WFS1: variants seen among roughly 807,000 people sequenced by gnomAD.
WFS1 encodes the protein wolframin ER transmembrane glycoprotein.
In WFS1, 90 loss-of-function variants were observed where a neutral mutation model predicts 68.5. The ratio of observed to expected loss-of-function variants is 1.31; its 90% CI spans 1.11 to 1.56. The LOEUF (loss-of-function observed/expected upper bound fraction) is 1.56. WFS1 is among the 40% of genes most tolerant of loss of function. WFS1 has a pLI of 0.00. For synonymous variants in WFS1, 860 were observed against 540.7 expected (o/e 1.59, Z -8.19); for missense variants, 1,767 against 1,232.6 (o/e 1.43, Z -6.49).
Position 6,291,311 on chromosome 4 carries a change from A to G in WFS1, c.575A>G (p.Lys192Arg), listed in dbSNP as rs1466844272. The G allele has an allele frequency of 6.2e-7, 1 of 1,613,498 alleles. No homozygotes were observed. The change falls in exon 5 of 8, where the codon AAG becomes AGG. Residue 192 changes from lysine (K) to arginine (R), a missense_variant. Physicochemically the swap from Lys to Arg is conservative, Grantham distance 26 (BLOSUM62 2). Coordinates refer to ENST00000226760, the MANE Select transcript of WFS1 (RefSeq NM_006005.3). Reference protein sequence around the residue: ...VMYWKLNPKKKKQVAVAELLE... With the variant: ...VMYWKLNPKKRKQVAVAELLE... ...TACTGGAAGCTCAACCCCAAGAAGA[A>G]GAAGCAGGTGGCCGTGGCGGAGCTG...
At chr4:6,281,394 C>A (rs12511160) in intron 2 of WFS1, among the ~76,000 whole-genome samples, 10,958 of 152,136 alleles carry the variant, frequency 0.072, 460 homozygotes, top group African/African-American at 0.098. Context: ...CCCTGAGGGT[C>A]AGGGAAAGGA....
At position 6,283,122 on chromosome 4, in the gene WFS1, G is replaced by C. The variant is rs1033458889; in HGVS notation, c.233-3971G>C. 1.3e-5 allele frequency among the ~76,000 whole-genome samples: 2 copies of C among 152,208 alleles called. No individual in the cohort carries two copies. Among genetic ancestry groups the C allele is most frequent in the African/African-American group, 2.4e-5 (1 of 41,450 alleles). Reference sequence around the variant, plus strand: ...GGGGCGCATCCTGGAGGATGCCCTAGGTAGTGCCTGAGAAAGTGAGGGTCA... The same window carrying C: ...GGGGCGCATCCTGGAGGATGCCCTACGTAGTGCCTGAGAAAGTGAGGGTCA... On this transcript the variant is annotated intron_variant, in intron 2 of 7. Transcript: ENST00000226760. This position sits in a 1 kb window ranked among gnomAD's most constrained non-coding sequence, Gnocchi z 5.0.
intron 6 of WFS1, 66 bp downstream of exon 6, chr4:6,292,063 T>C: frequency 6.7e-7 from 1 of 1,486,900 alleles, no homozygotes; most frequent in South Asian, 1.2e-5. Context: ...CGACCTCTCC[T>C]TCCTGTGCGA....
rs1378302333 is a variant in WFS1, at chr4:6,271,336, T to C, written c.-6+1322T>C. On this transcript the variant is annotated intron_variant, in intron 1 of 7. Coordinates refer to ENST00000226760, the MANE Select transcript of WFS1 (RefSeq NM_006005.3). ...GGCTGGGAGACCCCATCTCACCTTC[T>C]TTCCCAGGATGGAAGAGCATGGAGG... 3.9e-5 allele frequency among the ~76,000 whole-genome samples: 6 copies of C among 152,176 alleles called. No individual in the cohort carries two copies. The East Asian group carries it at 1.2e-3, about 29-fold the overall frequency.
Position 6,289,014 on chromosome 4 carries a change from G to A in WFS1, c.343G>A (p.Gly115Ser), listed in dbSNP as rs780727054. ...GGGGAAGCACTACCTGCAGTTGGCC[G>A]GCGACACGGATGAAGAACTCAACAG... ...EVGKHYLQLAGDTDEELNSCT... is the reference protein window; with the variant it reads ...EVGKHYLQLASDTDEELNSCT... Residue 115 changes from glycine to serine, a missense_variant, in exon 4 of 8, where the codon GGC becomes AGC. By Grantham distance (56) the Gly-to-Ser change is moderately conservative. Coordinates refer to ENST00000226760, the MANE Select transcript of WFS1 (RefSeq NM_006005.3). The A allele has an allele frequency of 4.7e-5, 75 of 1,608,484 alleles. No homozygotes were observed. Among genetic ancestry groups the A allele is most frequent in the East Asian group, 2.2e-4 (10 of 44,736 alleles).
intron 1 of WFS1, among the ~76,000 whole-genome samples, chr4:6,271,669 T>C (rs887656301): frequency 6.6e-6 from 1 of 152,120 alleles, no homozygotes; most frequent in Admixed American, 6.5e-5. Context: ...GTTGGGTCTC[T>C]CCTGGCTCCT....
Position 6,300,631 on chromosome 4 carries a change from GTTCCCACGTACCATCT to G in WFS1, c.862-20_862-5del, listed in dbSNP as rs1375344098. The G allele has an allele frequency of 6.2e-7, 1 of 1,613,492 alleles. No homozygotes were observed. The highest frequency in any genetic ancestry group is 1.3e-5 in the African/African-American group (1 of 74,860). On this transcript the variant is annotated splice_polypyrimidine_tract_variant and intron_variant, in intron 7 of 7. Transcript: ENST00000226760. ...GCAGTGGGGGTCCTGTCCCAGCCTC[GTTCCCACGTACCATCT>G]TTCCCCCAGGTGGTCAAGTACCCCC...
At chr4:6,288,797 T>G in intron 3 of WFS1, 190 bp from the exon 4 acceptor site, 5 of 796,366 alleles carry the variant, frequency 6.3e-6, no homozygotes, top group Non-Finnish European at 6.2e-6. Context: ...CTCACCGTGT[T>G]TTGAGGAGCG....
rs769627310 is a variant in WFS1, at chr4:6,295,162, C to A, written c.834C>A (p.Ser278Arg). ...ATGATGACGAGCTGGCGGGGAAGAG[C>A]CCTGAGGACCTGCCACTGCGTCTGA... The part of the protein sequence containing the change: ...DEDDDELAGK[S>R]PEDLPLRLKV... Residue 278 changes from serine to arginine, a missense_variant, in exon 7 of 8, where the codon AGC becomes AGA. Physicochemically the swap from Ser to Arg is moderately radical, Grantham distance 110. Coordinates refer to ENST00000226760, the MANE Select transcript of WFS1 (RefSeq NM_006005.3). 21 of 1,612,064 alleles carry A rather than the reference C, an allele frequency of 1.3e-5. No homozygotes were observed. The highest frequency in any genetic ancestry group is 1.7e-5 in the Non-Finnish European group (20 of 1,180,034).
At chr4:6,292,735 C>G (rs1478718141) in intron 6 of WFS1, among the ~76,000 whole-genome samples, 4 of 152,160 alleles carry the variant, frequency 2.6e-5, no homozygotes, top group Non-Finnish European at 5.9e-5. Flanking sequence ...AGGTCTGCCA[C>G]AGACTCTTCT....
chr4:6,286,450 TCCCA>T (rs1379595408), intron 2 of WFS1, among the ~76,000 whole-genome samples: 1 of 152,198 alleles, frequency 6.6e-6, no homozygotes, highest in Non-Finnish European at 1.5e-5. Flanking sequence ...ATCTTGGACT[TCCCA>T]GTCTCCAGAA....
chr4:6,282,795 T>C (rs887309562), intron 2 of WFS1, among the ~76,000 whole-genome samples: 3 of 152,178 alleles, frequency 2.0e-5, no homozygotes, highest in Admixed American at 1.3e-4. Flanking sequence ...TTCTGCAGAA[T>C]ATCTGCTCAA....
rs115561055 is a variant in WFS1 at position 6,291,823 on chromosome 4, G to A, written c.632-94G>A. The A allele has an allele frequency of 3.9e-3, 5,306 of 1,362,684 alleles. 157 individuals carry two copies. The African/African-American group carries it at 0.066, about 17-fold the overall frequency. 84.4% of individuals were successfully genotyped at this position (1,362,684 alleles called of 1,614,324 possible). A position where few individuals can be genotyped will look rare whatever the true frequency, so the allele number is the denominator to read the frequency against. On this transcript the variant is annotated intron_variant, in intron 5 of 7. Coordinates refer to ENST00000226760, the MANE Select transcript of WFS1 (RefSeq NM_006005.3). The stretch of plus-strand genomic sequence containing the variant: ...AACGTAGGATGCCCCTGGAACTGGC[G>A]TGCCCTAGGAACAGTGCGCCAGTTT...
chr4:6,292,860 A>C (rs1730504915), intron 6 of WFS1, among the ~76,000 whole-genome samples: 1 of 152,180 alleles, frequency 6.6e-6, no homozygotes, highest in African/African-American at 2.4e-5. Context: ...CCTCTGTGGC[A>C]TGTAGGGCAG....
chr4:6,273,885 A>AT (rs1729906943), intron 1 of WFS1, among the ~76,000 whole-genome samples: 1 of 152,106 alleles, frequency 6.6e-6, no homozygotes, highest in Non-Finnish European at 1.5e-5. Context: ...CTAACCAGAG[A>AT]TTTTACTTTA....
rs201623184 is a variant in WFS1, at chr4:6,301,821, C to T, written c.2026C>T (p.Arg676Cys). 2.1e-4 allele frequency: 336 copies of T among 1,613,112 alleles called. No individual in the cohort carries two copies. Among genetic ancestry groups the T allele is most frequent in the Non-Finnish European group, 2.6e-4 (301 of 1,179,994 alleles). Residue 676 changes from arginine (R) to cysteine (C), a missense_variant, in exon 8 of 8, where the codon CGC (arginine) becomes TGC (cysteine). Arg to Cys is a radical substitution (Grantham distance 180, BLOSUM62 -3). Coordinates refer to ENST00000226760, the MANE Select transcript of WFS1 (RefSeq NM_006005.3). ...GCAGTATGGTGCGCTGTGCGGGCCA[C>T]GCGCCTGGAAGGAGACCAACATGGC... ...WQQYGALCGP[R>C]AWKETNMART... is the part of the protein sequence containing the mutation.
chr4:6,290,414 A>G (rs1730429045), intron 4 of WFS1, among the ~76,000 whole-genome samples: 1 of 152,228 alleles, frequency 6.6e-6, no homozygotes, highest in East Asian at 1.9e-4. Flanking sequence ...CACACGGCTC[A>G]TTGTTGGGTG....
At chr4:6,271,552 G>A (rs1204011886) in intron 1 of WFS1, among the ~76,000 whole-genome samples, 1 of 152,136 alleles carries the variant, frequency 6.6e-6, no homozygotes, top group Non-Finnish European at 1.5e-5. Flanking sequence ...TGCCTACACG[G>A]CTCCCCTCCC....
At position 6,301,961 on chromosome 4, in the gene WFS1, G is replaced by C. The variant is rs758534824; in HGVS notation, c.2166G>C (p.Met722Ile). The part of the protein sequence containing the change: ...IDNSAESAIN[M>I]LPFFIGDWMR... ...ACAGCGCCGAGTCTGCCATCAACAT[G>C]CTCCCGTTCTTCATCGGCGACTGGA... is the stretch of plus-strand genomic sequence containing the variant. The change falls in exon 8 of 8, where the codon ATG (methionine) becomes ATC (isoleucine). Residue 722 changes from methionine (M) to isoleucine (I), a missense_variant. Met to Ile is a conservative substitution (Grantham distance 10). Coordinates refer to ENST00000226760, the MANE Select transcript of WFS1 (RefSeq NM_006005.3). The C allele has an allele frequency of 1.9e-6, 3 of 1,612,824 alleles. No individual in the cohort carries two copies. In the South Asian group the frequency reaches 3.3e-5, roughly 18 times the overall value.
Sources: gnomAD v4.1 joint callset for allele counts (sites outside exome capture counted in the v4.1 genomes callset) on GRCh38, gnomAD v4.1.1 for gene constraint, Gnocchi (gnomAD v3.1) non-coding constraint, MANE v1.5 for transcripts, NCBI Gene and HGNC (gene_info 2026-07-23, HGNC 2026-07-21) for gene names.